NAGLU: variants seen among roughly 807,000 people sequenced by gnomAD.
The protein encoded by NAGLU is N-acetyl-alpha-glucosaminidase.
In NAGLU, 34 loss-of-function variants were observed where a neutral mutation model predicts 43.4. The observed-to-expected ratio is 0.78, with a 90% CI of 0.60 to 1.04. The LOEUF is 1.04. NAGLU is among the 50% of genes least tolerant of loss of function. The pLI, the probability that NAGLU is intolerant of heterozygous loss-of-function variation, is 0.00. For missense variants in NAGLU, 910 were observed against 993.7 expected (o/e 0.92, Z 1.13); for synonymous variants, 425 against 437.6 (o/e 0.97, Z 0.36).
intron 4 of NAGLU, among the ~76,000 whole-genome samples, chr17:42,539,132 C>T (rs1042776555): frequency 1.3e-5 from 2 of 152,166 alleles, no homozygotes; most frequent in African/African-American, 4.8e-5. Flanking sequence ...AACAAACAAA[C>T]AAGCTCTGGA....
intron 1 of NAGLU, chr17:42,536,956 T>A: frequency 1.9e-6 from 1 of 518,996 alleles, no homozygotes; most frequent in East Asian, 4.0e-5. Context: ...CTCCCCCACC[T>A]TCTCTTTGAA....
Position 42,538,355 on chromosome 17 carries a change from G to C in NAGLU, c.548G>C (p.Gly183Ala), listed in dbSNP as rs541061018. 2 of 1,614,256 alleles carry C rather than the reference G, an allele frequency of 1.2e-6. No homozygotes were observed. The highest frequency in any genetic ancestry group is 2.2e-5 in the South Asian group (2 of 91,088). ...CTTCCTCAGGTGTACCTGGCCTTGG[G>C]CCTGACCCAGGCAGAGATCAATGAG... ...AIWQRVYLAL[G>A]LTQAEINEFF... The change falls in exon 3 of 6, where the codon GGC becomes GCC. Residue 183 changes from glycine to alanine, a missense_variant. Physicochemically the swap from Gly to Ala is moderately conservative, Grantham distance 60. Transcript: ENST00000225927.
chr17:42,536,457 TG>T lies in NAGLU; in HGVS notation c.187del (p.Asp63ThrfsTer59). 1 of 1,260,084 alleles carries T rather than the reference TG, an allele frequency of 7.9e-7. No homozygotes were observed. The highest frequency in any genetic ancestry group is 1.0e-6 in the Non-Finnish European group (1 of 994,532). 78.1% of individuals were successfully genotyped at this position (1,260,084 alleles called of 1,614,324 possible). The stretch of plus-strand genomic sequence containing the variant: ...CGCGCTCTGGCTGCCAAGCCGGGCT[TG>T]GACACCTACAGCCTGGGCGGCGGCG... ...VERALAAKPG[L>X]DTYSLGGGGA... On this transcript the variant is annotated frameshift_variant, in exon 1 of 6. Coordinates refer to ENST00000225927, the MANE Select transcript of NAGLU (RefSeq NM_000263.4). LOFTEE classifies it high-confidence loss of function.
Position 42,544,058 on chromosome 17 carries a change from CAG to C in NAGLU, c.2053_2054del (p.Ser685CysfsTer13), listed in dbSNP as rs1555622559. ...WRLFLEALVD[S>X]VAQGIPFQQH... Reference sequence around the variant, plus strand: ...GGCTTTTCCTGGAGGCGCTGGTTGACAGTGTGGCCCAGGGCATCCCTTTCCAA... The same window carrying C: ...GGCTTTTCCTGGAGGCGCTGGTTGACTGTGGCCCAGGGCATCCCTTTCCAA... On this transcript the variant is annotated frameshift_variant, in exon 6 of 6. Transcript: ENST00000225927. LOFTEE classifies it low-confidence loss of function (END_TRUNC). 2 of 1,613,722 alleles carry C rather than the reference CAG, an allele frequency of 1.2e-6. No homozygotes were observed. The highest frequency in any genetic ancestry group is 8.5e-7 in the Non-Finnish European group (1 of 1,179,870).
Position 42,537,597 on chromosome 17 carries a change from A to G in NAGLU, c.531+52A>G. The G allele has an allele frequency of 2.5e-6, 4 of 1,601,892 alleles. No homozygotes were observed. In the South Asian group the frequency reaches 3.3e-5, roughly 13 times the overall value. On this transcript the variant is annotated intron_variant, in intron 2 of 5. Transcript: ENST00000225927. ...CCTCCTCTATGGCGGGAGCCACCGT[A>G]GGTGTTTTCACCCGCCCCCCAGCAT...
chr17:42,544,406 C>A lies in NAGLU; in HGVS notation c.*168C>A. The stretch of plus-strand genomic sequence containing the variant: ...AGGGAAATGACCTGCCCTCCACCAC[C>A]ACCCAAAGTGTGGGATTAAAGTACT... On this transcript the variant is annotated 3_prime_UTR_variant, in exon 6 of 6. Transcript: ENST00000225927. 2.1e-6 allele frequency: 2 copies of A among 968,008 alleles called. No individual in the cohort carries two copies. The highest frequency in any genetic ancestry group is 3.1e-6 in the Non-Finnish European group (2 of 645,008). The allele number at this position is 968,008 out of a possible 1,614,324, so 60.0% of individuals were successfully genotyped here. A position where few individuals can be genotyped will look rare whatever the true frequency, so the allele number is the denominator to read the frequency against.
At chr17:42,540,650 T>C (rs1371966832) in intron 4 of NAGLU, among the ~76,000 whole-genome samples, 1 of 143,278 alleles carries the variant, frequency 7.0e-6, no homozygotes, top group African/African-American at 2.6e-5. Context: ...GAGCTGAGAA[T>C]GCGCCACTGC....
Position 42,543,065 on chromosome 17 carries a change from C to T in NAGLU, c.1059C>T (p.Leu353=), listed in dbSNP as rs775586487. The T allele has an allele frequency of 1.9e-6, 3 of 1,607,908 alleles. No homozygotes were observed. Among genetic ancestry groups the T allele is most frequent in the Admixed American group, 3.3e-5 (2 of 60,030 alleles). Residue 353 remains leucine, a synonymous_variant, in exon 6 of 6, where the codon CTC becomes CTT. Transcript: ENST00000225927. Reference sequence around the variant, plus strand: ...CTGTGTGGCTGCTCCAAGGCTGGCTCTTCCAGCACCAGCCGCAGTTCTGGG... The same window carrying T: ...CTGTGTGGCTGCTCCAAGGCTGGCTTTTCCAGCACCAGCCGCAGTTCTGGG... ...TEAVWLLQGW[L]FQHQPQFWGP...
chr17:42,537,881 CTG>C (rs1444203642), intron 2 of NAGLU, among the ~76,000 whole-genome samples: 3 of 139,518 alleles, frequency 2.2e-5, no homozygotes, highest in African/African-American at 8.7e-5. Context: ...AAAAAAAAAA[CTG>C]AGGCTTCCAG....
intron 1 of NAGLU, chr17:42,537,017 TC>T: frequency 2.2e-6 from 1 of 444,678 alleles, no homozygotes; most frequent in African/African-American, 2.0e-5. Context: ...AGGCCTGTGT[TC>T]CAGCGCCTGC....
At position 42,543,480 on chromosome 17, in the gene NAGLU, G is replaced by A. The variant is rs930823153; in HGVS notation, c.1474G>A (p.Ala492Thr). Residue 492 changes from alanine (A) to threonine (T), a missense_variant, in exon 6 of 6, where the codon GCA becomes ACA. Ala to Thr is a moderately conservative substitution (Grantham distance 58, BLOSUM62 0). Transcript: ENST00000225927. ...TGGGGTCTCCCACCCGGACGCAGGG[G>A]CAGCGTGGAGGCTACTGCTCCGGAG... ...RYGVSHPDAG[A>T]AWRLLLRSVY... is the part of the protein sequence containing the mutation. 5.1e-5 allele frequency: 82 copies of A among 1,600,556 alleles called. No homozygotes were observed. The highest frequency in any genetic ancestry group is 6.1e-5 in the Non-Finnish European group (72 of 1,175,748).
intron 2 of NAGLU, 82 bp downstream of exon 2, chr17:42,537,627 G>T: frequency 1.9e-6 from 3 of 1,549,524 alleles, no homozygotes; most frequent in Non-Finnish European, 2.6e-6. Flanking sequence ...CAGCATGGGC[G>T]CAGTGTCTCT....
chr17:42,542,634 C>T (rs1366711559), intron 5 of NAGLU, among the ~76,000 whole-genome samples: 1 of 152,250 alleles, frequency 6.6e-6, no homozygotes, highest in African/African-American at 2.4e-5. Flanking sequence ...GCCGGGATTA[C>T]AGGCACCTGC....
Position 42,543,050 on chromosome 17 carries a change from G to T in NAGLU, c.1044G>T (p.Leu348=), listed in dbSNP as rs776863513. The T allele has an allele frequency of 5.0e-6, 8 of 1,605,042 alleles. No homozygotes were observed. The Admixed American group carries it at 1.3e-4, about 27-fold the overall frequency. The stretch of plus-strand genomic sequence containing the variant: ...CAGTGGATACTGAGGCTGTGTGGCT[G>T]CTCCAAGGCTGGCTCTTCCAGCACC... ...MTAVDTEAVW[L]LQGWLFQHQP... is the part of the protein sequence containing the mutation. The change falls in exon 6 of 6, where the codon CTG becomes CTT. Residue 348 remains leucine, a synonymous_variant. Transcript: ENST00000225927.
chr17:42,542,270 G>C (rs947352253), intron 5 of NAGLU, among the ~76,000 whole-genome samples: 2 of 152,138 alleles, frequency 1.3e-5, no homozygotes, highest in Non-Finnish European at 2.9e-5. Context: ...CGCTATGTAG[G>C]TCAAGCTGGT....
intron 2 of NAGLU, 46 bp from the exon 3 acceptor site, chr17:42,538,293 T>A: frequency 6.2e-7 from 1 of 1,613,092 alleles, no homozygotes; most frequent in South Asian, 1.1e-5. Flanking sequence ...AATGAATGAA[T>A]GAATGAAGAT....
At chr17:42,538,569 G>T (rs2092913373) in intron 3 of NAGLU, 84 bp downstream of exon 3, 2 of 1,612,308 alleles carry the variant, frequency 1.2e-6, no homozygotes, top group East Asian at 4.5e-5. Context: ...CGGCCCCAGG[G>T]CTCTTAACTG....
intron 5 of NAGLU, among the ~76,000 whole-genome samples, chr17:42,541,426 C>T (rs1340562073): frequency 6.6e-6 from 1 of 152,236 alleles, no homozygotes; most frequent in Admixed American, 6.5e-5. Context: ...ACACCTCGCG[C>T]TCCTATTTCC....
At position 42,543,079 on chromosome 17, in the gene NAGLU, C is replaced by T. The variant is rs368687817; in HGVS notation, c.1073C>T (p.Pro358Leu). ...LLQGWLFQHQ[P>L]QFWGPAQIRA... ...CAAGGCTGGCTCTTCCAGCACCAGC[C>T]GCAGTTCTGGGGGCCCGCCCAGATC... Residue 358 changes from proline to leucine, a missense_variant, in exon 6 of 6, where the codon CCG becomes CTG. Coordinates refer to ENST00000225927, the MANE Select transcript of NAGLU (RefSeq NM_000263.4). The T allele has an allele frequency of 2.2e-5, 35 of 1,610,230 alleles. No individual in the cohort carries two copies. The highest frequency in any genetic ancestry group is 1.1e-4 in the South Asian group (10 of 91,088).
Sources: allele counts gnomAD v4.1 joint callset (sites outside exome capture counted in the v4.1 genomes callset), GRCh38; gene constraint gnomAD v4.1.1; transcripts MANE v1.5; gene names NCBI Gene and HGNC (gene_info 2026-07-23, HGNC 2026-07-21).